Variants in PTPN21 observed in about 807,000 individuals in gnomAD.
PTPN21 encodes the protein tyrosine-protein phosphatase non-receptor type 21.
A neutral mutation model predicts 131.8 loss-of-function variants in PTPN21; 77 were observed. The ratio of observed to expected loss-of-function variants is 0.58; its 90% CI spans 0.49 to 0.71. The LOEUF (loss-of-function observed/expected upper bound fraction) is 0.71, where lower values mean the gene tolerates loss of function less well. Ranked by LOEUF, PTPN21 falls within the 30% of genes least tolerant of loss-of-function variation. The pLI is 0.00. For missense variants in PTPN21, 1,552 were observed against 1,527.1 expected, an observed-to-expected ratio of 1.02 and a Z score of -0.27; for synonymous variants, 715 against 621.3, an observed-to-expected ratio of 1.15 and a Z score of -2.24.
intron 3 of PTPN21, chr14:88,515,481 T>C (rs2078254634): frequency 6.6e-6 from 1 of 152,202 alleles, no homozygotes; most frequent in Admixed American, 6.5e-5. Flanking sequence ...CCATTAAATT[T>C]GAAAATCTCT....
intron 2 of PTPN21, among the ~76,000 whole-genome samples, chr14:88,548,300 A>G (rs921345963): frequency 6.6e-6 from 1 of 152,172 alleles, no homozygotes; most frequent in Non-Finnish European, 1.5e-5. Flanking sequence ...TAAATCCTTT[A>G]ACAAAAAATC....
chr14:88,484,506 T>C (rs2077704607), intron 12 of PTPN21, among the ~76,000 whole-genome samples: 1 of 67,266 alleles, frequency 1.5e-5, no homozygotes, highest in East Asian at 4.5e-4. Flanking sequence ...GGGAATTCTT[T>C]GTCAGATAGC....
chr14:88,472,173 A>T, intron 15 of PTPN21, 71 bp downstream of exon 15: 1 of 876,264 alleles, frequency 1.1e-6, no homozygotes, highest in South Asian at 1.5e-5. Flanking sequence ...AGACATGAAT[A>T]CAATTCTTAC....
intron 2 of PTPN21, chr14:88,547,460 C>A (rs1258803639): frequency 3.9e-6 from 1 of 259,406 alleles, no homozygotes; most frequent in South Asian, 3.7e-5. Context: ...CCAGCCTGGG[C>A]GACATAGCAA....
chr14:88,541,636 CCT>C (rs1200653872), intron 2 of PTPN21, among the ~76,000 whole-genome samples: 5 of 152,272 alleles, frequency 3.3e-5, no homozygotes, highest in South Asian at 2.1e-4. Context: ...CTCTGTCCCC[CCT>C]GAGAGGGGCT....
Position 88,469,147 on chromosome 14 carries a change from T to C in PTPN21, c.3236-71A>G. 1.3e-6 allele frequency: 2 copies of C among 1,485,450 alleles called. No homozygotes were observed. The highest frequency in any genetic ancestry group is 1.8e-4 in the Middle Eastern group (1 of 5,648). 92.0% of individuals were successfully genotyped at this position (1,485,450 alleles called of 1,614,324 possible). On this transcript the variant is annotated intron_variant, in intron 17 of 18. Transcript: ENST00000556564. This position sits in a 1 kb window ranked among gnomAD's most constrained non-coding sequence, Gnocchi z 4.3. ...TATCACATTGTTGACTCAATCTTCATATTCTCTCCACTGATTAAGAGGACT... is the reference window on the plus strand; with the variant it reads ...TATCACATTGTTGACTCAATCTTCACATTCTCTCCACTGATTAAGAGGACT...
At chr14:88,541,425 T>C (rs1452862725) in intron 2 of PTPN21, among the ~76,000 whole-genome samples, 1 of 152,238 alleles carries the variant, frequency 6.6e-6, no homozygotes, top group African/African-American at 2.4e-5. Flanking sequence ...AAATGCCATA[T>C]TCACATAAAG....
rs763755289 is a variant in PTPN21 at position 88,479,325 on chromosome 14, C to T, written c.2106G>A (p.Ser702=). Residue 702 remains serine, a synonymous_variant, in exon 13 of 19, where the codon TCG becomes TCA. Coordinates refer to ENST00000556564, the MANE Select transcript of PTPN21 (RefSeq NM_007039.4). Reference sequence around the variant, plus strand: ...TGCTGTGGATTAGCATGGTGGCGTCCGACAGGGACTTCTTATGGCCGTACC... The same window carrying T: ...TGCTGTGGATTAGCATGGTGGCGTCTGACAGGGACTTCTTATGGCCGTACC... The part of the protein sequence containing the change: ...GLRYGHKKSL[S]DATMLIHSSE... The T allele has an allele frequency of 6.2e-7, 1 of 1,613,438 alleles. No homozygotes were observed. The highest frequency in any genetic ancestry group is 8.5e-7 in the Non-Finnish European group (1 of 1,179,632).
chr14:88,477,472 C>G (rs1304407159), intron 13 of PTPN21, among the ~76,000 whole-genome samples: 1 of 86,866 alleles, frequency 1.2e-5, no homozygotes, highest in African/African-American at 3.9e-5. Flanking sequence ...AAAAAAAAAG[C>G]AAATTTAAAT....
rs911499683 is a variant in PTPN21, at chr14:88,468,995, A to G, written c.3317T>C (p.Val1106Ala). ...DPQSPNPPLLVHCSAGVGRTG... is the reference protein window; with the variant it reads ...DPQSPNPPLLAHCSAGVGRTG... ...CCTTCCTACCCCAGCACTGCAGTGG[A>G]CCAACAACGGAGGGTTGGGGCTTTG... The change falls in exon 18 of 19, where the codon GTC (valine) becomes GCC (alanine). Residue 1106 changes from valine (V) to alanine (A), a missense_variant. Val to Ala is a moderately conservative substitution (Grantham distance 64). Coordinates refer to ENST00000556564, the MANE Select transcript of PTPN21 (RefSeq NM_007039.4). 1.9e-6 allele frequency: 3 copies of G among 1,614,068 alleles called. No individual in the cohort carries two copies. In the African/African-American group the frequency reaches 4.0e-5, roughly 22 times the overall value.
intron 12 of PTPN21, among the ~76,000 whole-genome samples, chr14:88,482,265 G>C (rs1270158073): frequency 6.6e-6 from 1 of 152,174 alleles, no homozygotes; most frequent in African/African-American, 2.4e-5. Flanking sequence ...AATAACTTGG[G>C]AAGTAAGGTT....
At chr14:88,493,134 G>GGGA (rs1480806863) in intron 10 of PTPN21, 2 of 454,794 alleles carry the variant, frequency 4.4e-6, no homozygotes, top group Non-Finnish European at 8.8e-6. Context: ...TAATGGGATA[G>GGGA]TAATAATTGT....
In PTPN21 at chr14:88,500,992, C is replaced by A. The variant is rs816069; in HGVS notation, c.676-121G>T. ...TCCGAAGACCTACAGAGTAACTATT[C>A]AGGAAGACAAAAGTCTGAATGAGAT... On this transcript the variant is annotated intron_variant, in intron 7 of 18. Coordinates refer to ENST00000556564, the MANE Select transcript of PTPN21 (RefSeq NM_007039.4). 0.61 allele frequency: 442,267 copies of A among 725,504 alleles called. 141,074 individuals are homozygous for A. Among genetic ancestry groups the A allele is most frequent in the Admixed American group, 0.71 (29,147 of 40,862 alleles). The allele number at this position is 725,504 out of a possible 1,614,324, so 44.9% of individuals were successfully genotyped here. A position where few individuals can be genotyped will look rare whatever the true frequency, so the allele number is the denominator to read the frequency against.
intron 2 of PTPN21, among the ~76,000 whole-genome samples, chr14:88,532,367 G>A (rs139302194): frequency 0.012 from 1,893 of 152,118 alleles, 25 homozygotes; most frequent in Non-Finnish European, 0.021. Flanking sequence ...AGTTCATTAA[G>A]TCTAAGAAAA....
At chr14:88,522,510 A>C (rs1234586125) in intron 2 of PTPN21, among the ~76,000 whole-genome samples, 1 of 151,244 alleles carries the variant, frequency 6.6e-6, no homozygotes, top group African/African-American at 2.4e-5. Context: ...GGAGTCTAAG[A>C]TTTGGGACAT....
chr14:88,501,145 G>T, intron 7 of PTPN21, 136 bp downstream of exon 7: 1 of 820,230 alleles, frequency 1.2e-6, no homozygotes, highest in South Asian at 1.7e-5. Flanking sequence ...TTGGTCACCA[G>T]GACCTCAGCT....
rs2077410624 is a variant in PTPN21 at position 88,468,997 on chromosome 14, C to T, written c.3315G>A (p.Leu1105=). ...SDPQSPNPPL[L]VHCSAGVGRT... is the part of the protein sequence containing the mutation. ...TTCCTACCCCAGCACTGCAGTGGAC[C>T]AACAACGGAGGGTTGGGGCTTTGGG... Residue 1105 remains leucine, a synonymous_variant, in exon 18 of 19, where the codon TTG becomes TTA. Transcript: ENST00000556564. The T allele has an allele frequency of 1.2e-6, 2 of 1,614,148 alleles. No individual in the cohort carries two copies. Among genetic ancestry groups the T allele is most frequent in the Non-Finnish European group, 1.7e-6 (2 of 1,180,024 alleles).
chr14:88,514,558 G>A (rs760938223), intron 3 of PTPN21, among the ~76,000 whole-genome samples: 10 of 151,276 alleles, frequency 6.6e-5, no homozygotes, highest in Non-Finnish European at 1.2e-4. Flanking sequence ...TCCGCCTCCC[G>A]AGTTCAAGCA....
rs180901658 is a variant in PTPN21, at chr14:88,544,260, G to A, written c.180+5978C>T. On this transcript the variant is annotated intron_variant, in intron 2 of 18. Coordinates refer to ENST00000556564, the MANE Select transcript of PTPN21 (RefSeq NM_007039.4). ...CTTGGGAGGCTGAGGTGAGAGAATCGCTTGAACCCGGGAGGCGGAAGTTGC... is the reference window on the plus strand; with the variant it reads ...CTTGGGAGGCTGAGGTGAGAGAATCACTTGAACCCGGGAGGCGGAAGTTGC... Among the ~76,000 whole-genome samples, 56 of 152,126 alleles carry A rather than the reference G, an allele frequency of 3.7e-4. No homozygotes were observed. The East Asian group carries it at 0.01, about 27-fold the overall frequency.
Sources: gnomAD v4.1 joint callset for allele counts (sites outside exome capture counted in the v4.1 genomes callset) on GRCh38, gnomAD v4.1.1 for gene constraint, Gnocchi (gnomAD v3.1) non-coding constraint, MANE v1.5 for transcripts, NCBI Gene and HGNC (gene_info 2026-07-23, HGNC 2026-07-21) for gene names.